Variants in ZNF608 observed in about 807,000 individuals in gnomAD.
The protein encoded by ZNF608 is zinc finger protein 608.
ZNF608 carries 12 observed loss-of-function variants against 109.0 expected under a neutral mutation model. The ratio of observed to expected loss-of-function variants is 0.11; its 90% CI spans 0.07 to 0.18. The LOEUF (loss-of-function observed/expected upper bound fraction) is 0.18, where lower values mean the gene tolerates loss of function less well. Ranked by LOEUF, ZNF608 falls within the 10% of genes least tolerant of loss-of-function variation. The pLI, the probability that ZNF608 is intolerant of heterozygous loss-of-function variation, is 1.00. For synonymous variants in ZNF608, 732 were observed against 717.4 expected (o/e 1.02, Z -0.33); for missense variants, 1,707 against 1,879.3 (o/e 0.91, Z 1.70).
chr5:124,743,430 T>C (rs891078456), intron 2 of ZNF608, among the ~76,000 whole-genome samples: 9 of 152,110 alleles, frequency 5.9e-5, no homozygotes, highest in African/African-American at 2.2e-4. Context: ...ACCAAAACCA[T>C]CGAGTTTTTC....
chr5:124,695,713 A>C (rs1366559097), intron 3 of ZNF608, among the ~76,000 whole-genome samples: 1 of 151,994 alleles, frequency 6.6e-6, no homozygotes, highest in Non-Finnish European at 1.5e-5. Context: ...GGCTATAGTG[A>C]GCCATGATCA....
chr5:124,696,452 T>C (rs1218284907), intron 3 of ZNF608, among the ~76,000 whole-genome samples: 1 of 152,206 alleles, frequency 6.6e-6, no homozygotes, highest in African/African-American at 2.4e-5. Flanking sequence ...ATTTGCTACA[T>C]TAACAACTTT....
chr5:124,694,920 G>C (rs1054044414), intron 3 of ZNF608, among the ~76,000 whole-genome samples: 3 of 152,172 alleles, frequency 2.0e-5, no homozygotes, highest in Non-Finnish European at 4.4e-5. Flanking sequence ...AAGCCGAGGG[G>C]AAAGTTCACA....
chr5:124,701,982 T>C (rs532508814), intron 2 of ZNF608, among the ~76,000 whole-genome samples: 4 of 152,276 alleles, frequency 2.6e-5, no homozygotes, highest in African/African-American at 9.6e-5. Flanking sequence ...CCCTAATGAG[T>C]TTGATTAAGG....
intron 3 of ZNF608, among the ~76,000 whole-genome samples, chr5:124,695,117 T>G (rs983827785): frequency 2.0e-5 from 3 of 152,208 alleles, no homozygotes; most frequent in Non-Finnish European, 4.4e-5. Context: ...ATAAGAAGCA[T>G]GCCCACTAGA....
chr5:124,686,883 C>T (rs1421651791), intron 3 of ZNF608, among the ~76,000 whole-genome samples: 2 of 152,192 alleles, frequency 1.3e-5, no homozygotes, highest in African/African-American at 2.4e-5. Flanking sequence ...GAATACAAGG[C>T]ATTGACTCTC....
At chr5:124,747,548 G>A (rs535081621), upstream of ZNF608, among the ~76,000 whole-genome samples, 2 of 151,322 alleles carry the variant, frequency 1.3e-5, no homozygotes, top group East Asian at 3.9e-4. Flanking sequence ...GGTGACAAGC[G>A]TATCAAGAAA....
intron 2 of ZNF608, among the ~76,000 whole-genome samples, chr5:124,711,294 A>T (rs1753478633): frequency 6.6e-6 from 1 of 152,232 alleles, no homozygotes; most frequent in Non-Finnish European, 1.5e-5. Flanking sequence ...TTTTATACAT[A>T]TAGAAACATA....
Position 124,713,630 on chromosome 5 carries a change from A to C in ZNF608, c.907-12361T>G, listed in dbSNP as rs1277348886. ...TCTCTCTTGTTATCCAAGTGCCTAC[A>C]TAATATCCGTGATGTTGCCTCTTGG... On this transcript the variant is annotated intron_variant, in intron 2 of 9. Coordinates refer to ENST00000513986, the MANE Select transcript of ZNF608 (RefSeq NM_020747.3). Among the ~76,000 whole-genome samples, 3 of 152,246 alleles carry C rather than the reference A, an allele frequency of 2.0e-5. 1 individual carries two copies. Among genetic ancestry groups the C allele is most frequent in the Admixed American group, 2.0e-4 (3 of 15,288 alleles).
At chr5:124,742,223 G>T (rs576642084) in intron 2 of ZNF608, among the ~76,000 whole-genome samples, 3 of 152,202 alleles carry the variant, frequency 2.0e-5, no homozygotes, top group African/African-American at 7.2e-5. Context: ...ACGACACCAC[G>T]CTCTAATCTC....
chr5:124,691,980 T>G (rs994691984), intron 3 of ZNF608, among the ~76,000 whole-genome samples: 1 of 151,954 alleles, frequency 6.6e-6, no homozygotes, highest in African/African-American at 2.4e-5. Context: ...GATTATAGAG[T>G]TTTTTCCCAT....
chr5:124,748,579 T>A, upstream of ZNF608: 1 of 985,424 alleles, frequency 1.0e-6, no homozygotes, highest in Non-Finnish European at 1.2e-6. Flanking sequence ...CTGCATTGAA[T>A]GTGTTTGGTT....
chr5:124,698,390 G>C (rs1271873063), intron 3 of ZNF608, among the ~76,000 whole-genome samples: 1 of 152,188 alleles, frequency 6.6e-6, no homozygotes, highest in Non-Finnish European at 1.5e-5. Context: ...GAGGTCAGAA[G>C]TTTAGTTTAT....
At chr5:124,667,773 C>T (rs567870006) in intron 3 of ZNF608, among the ~76,000 whole-genome samples, 147 of 152,302 alleles carry the variant, frequency 9.7e-4, no homozygotes, top group Middle Eastern at 3.4e-3. Flanking sequence ...GTATCTCTAT[C>T]GTACAACCGA....
intron 3 of ZNF608, among the ~76,000 whole-genome samples, chr5:124,675,928 T>C (rs902274552): frequency 1.3e-5 from 2 of 152,114 alleles, no homozygotes; most frequent in East Asian, 1.9e-4. Flanking sequence ...AGAGACTATT[T>C]TGGAAAAGGG....
intron 2 of ZNF608, among the ~76,000 whole-genome samples, chr5:124,739,121 C>T (rs1449631404): frequency 6.6e-6 from 1 of 152,176 alleles, no homozygotes; most frequent in South Asian, 2.1e-4. Flanking sequence ...ATCCTCCCCG[C>T]AGCTTCACCA....
At chr5:124,706,519 T>C (rs1014612101) in intron 2 of ZNF608, among the ~76,000 whole-genome samples, 7 of 152,166 alleles carry the variant, frequency 4.6e-5, no homozygotes, top group East Asian at 1.9e-4. Flanking sequence ...GAAACACTAA[T>C]ATAGTTCTAA....
Position 124,639,029 on chromosome 5 carries a change from A to C in ZNF608, c.4532+104T>G. 3 of 1,117,126 alleles carry C rather than the reference A, an allele frequency of 2.7e-6. No individual in the cohort carries two copies. The South Asian group carries it at 4.2e-5, about 16-fold the overall frequency. The allele number at this position is 1,117,126 out of a possible 1,614,324, so 69.2% of individuals were successfully genotyped here. A position where few individuals can be genotyped will look rare whatever the true frequency, so the allele number is the denominator to read the frequency against. On this transcript the variant is annotated intron_variant, in intron 9 of 9. Transcript: ENST00000513986. ...AAACACATTCATTACAATGATATAAAACCCAAGGAGTTAAGTTTTTGGTCT... is the reference window on the plus strand; with the variant it reads ...AAACACATTCATTACAATGATATAACACCCAAGGAGTTAAGTTTTTGGTCT...
intron 2 of ZNF608, among the ~76,000 whole-genome samples, chr5:124,735,359 C>A (rs2149897129): frequency 6.6e-6 from 1 of 152,322 alleles, no homozygotes; most frequent in East Asian, 1.9e-4. Context: ...GGAAGAAGGG[C>A]GCGTTCCCGG....
Sources: gnomAD v4.1 joint callset for allele counts (sites outside exome capture counted in the v4.1 genomes callset) on GRCh38, gnomAD v4.1.1 for gene constraint, MANE v1.5 for transcripts, NCBI Gene and HGNC (gene_info 2026-07-23, HGNC 2026-07-21) for gene names.